The following SPATA13 variants were observed in gnomAD, a reference collection of about 807,000 sequenced individuals.
The protein encoded by SPATA13 is spermatogenesis-associated protein 13.
Under a neutral mutation model 104.0 loss-of-function variants are expected in SPATA13, and 50 were observed. The observed-to-expected ratio is 0.48, with a 90% CI of 0.38 to 0.61. The LOEUF (loss-of-function observed/expected upper bound fraction) is 0.61, where lower values mean the gene tolerates loss of function less well. SPATA13 is among the 20% of genes least tolerant of loss of function. SPATA13 has a pLI of 0.00. For missense variants in SPATA13, 1,524 were observed against 1,690.6 expected (o/e 0.90, Z 1.73); for synonymous variants, 606 against 667.5 (o/e 0.91, Z 1.42).
chr13:24,047,681 T>C (rs541508372), intron 3 of SPATA13, among the ~76,000 whole-genome samples: 1 of 152,358 alleles, frequency 6.6e-6, no homozygotes, highest in South Asian at 2.1e-4. Flanking sequence ...TCATTATCAA[T>C]CCTTAGTATT....
chr13:24,212,609 GCAGACTTTGA>G (rs1593423963), intron 1 of SPATA13, among the ~76,000 whole-genome samples: 1 of 151,522 alleles, frequency 6.6e-6, no homozygotes, highest in East Asian at 1.9e-4. Flanking sequence ...AAATGAACCA[GCAGACTTTGA>G]CAGGTTTTGT....
intron 1 of SPATA13, among the ~76,000 whole-genome samples, chr13:24,177,665 G>A (rs935805429): frequency 1.3e-5 from 2 of 151,754 alleles, no homozygotes; most frequent in African/African-American, 4.8e-5. Context: ...CTCCTGTGTT[G>A]CCCAGGCTGG....
In SPATA13 at chr13:24,088,199, G is replaced by A. The variant is rs555240928; in HGVS notation, c.-112+70498G>A. ...GTGTCCTGGCAGACAGGGAACTGGC[G>A]TGTTAATGCTCCCTAGGCAGCACTG... On this transcript the variant is annotated intron_variant, in intron 3 of 14. Coordinates refer to the SPATA13 transcript ENST00000424834. This position sits in a 1 kb window ranked among gnomAD's most constrained non-coding sequence, Gnocchi z 4.3. Among the ~76,000 whole-genome samples, 7 of 152,190 alleles carry A rather than the reference G, an allele frequency of 4.6e-5. No homozygotes were observed. The highest frequency in any genetic ancestry group is 9.7e-5 in the African/African-American group (4 of 41,444).
chr13:24,222,097 G>A (rs1220971573), intron 1 of SPATA13, among the ~76,000 whole-genome samples: 2 of 152,188 alleles, frequency 1.3e-5, no homozygotes, highest in Non-Finnish European at 2.9e-5. Context: ...ACAGGCGTGA[G>A]CCACTGCACC....
Position 23,982,401 on chromosome 13 carries a change from TTC to T in SPATA13, c.-353-1324_-353-1323del, listed in dbSNP as rs1874943747. 6.6e-5 allele frequency among the ~76,000 whole-genome samples: 10 copies of T among 152,352 alleles called. No individual in the cohort carries two copies. In the South Asian group the frequency reaches 2.1e-3, roughly 32 times the overall value. ...AATCCCTGAAGGCAAGGACCAGGTC[TTC>T]TGTGTCTTTAGAATTCTCTTCATAA... On this transcript the variant is annotated intron_variant, in intron 1 of 14. Coordinates refer to the SPATA13 transcript ENST00000424834.
At chr13:24,114,419 T>C (rs1880764316) in intron 3 of SPATA13, among the ~76,000 whole-genome samples, 1 of 92,398 alleles carries the variant, frequency 1.1e-5, no homozygotes, top group Admixed American at 1.3e-4. Flanking sequence ...GTAGAGCCTG[T>C]CCTAGTGCCT....
At chr13:24,072,362 TG>T (rs748815037) in intron 3 of SPATA13, among the ~76,000 whole-genome samples, 5 of 152,300 alleles carry the variant, frequency 3.3e-5, no homozygotes, top group African/African-American at 9.6e-5. Flanking sequence ...GAAAGATAAA[TG>T]GGAAATCAAG....
At chr13:24,032,114 C>T (rs1283526845) in intron 3 of SPATA13, among the ~76,000 whole-genome samples, 1 of 152,168 alleles carries the variant, frequency 6.6e-6, no homozygotes, top group Non-Finnish European at 1.5e-5. Context: ...CCTCCACCAT[C>T]CCCCAGGTGA....
At chr13:24,182,292 T>G (rs777359343) in intron 1 of SPATA13, among the ~76,000 whole-genome samples, 1 of 152,176 alleles carries the variant, frequency 6.6e-6, no homozygotes, top group Non-Finnish European at 1.5e-5. Context: ...GTGTTTGTCT[T>G]TTTTGTTTTG....
At chr13:24,023,744 G>A (rs900171524) in intron 3 of SPATA13, among the ~76,000 whole-genome samples, 3 of 152,160 alleles carry the variant, frequency 2.0e-5, no homozygotes, top group East Asian at 1.9e-4. Context: ...ATGAGCCAAG[G>A]AATGTGGGCG....
intron 1 of SPATA13, among the ~76,000 whole-genome samples, chr13:24,215,676 A>C (rs1241906963): frequency 6.6e-6 from 1 of 152,236 alleles, no homozygotes; most frequent in Non-Finnish European, 1.5e-5. Context: ...TGGATGTAAA[A>C]GCTACATCAT....
intron 3 of SPATA13, among the ~76,000 whole-genome samples, chr13:24,085,216 G>A (rs895789570): frequency 2.0e-5 from 3 of 152,126 alleles, no homozygotes; most frequent in Non-Finnish European, 2.9e-5. Context: ...TCTGCCTCCC[G>A]GGATCAAGTG....
intron 3 of SPATA13, among the ~76,000 whole-genome samples, chr13:24,066,107 T>C (rs560078223): frequency 6.6e-6 from 1 of 152,316 alleles, no homozygotes; most frequent in East Asian, 1.9e-4. Flanking sequence ...TTGTTAAAGG[T>C]ACATACCTAT....
chr13:24,073,355 G>A (rs1465334198), intron 3 of SPATA13, among the ~76,000 whole-genome samples: 2 of 152,218 alleles, frequency 1.3e-5, no homozygotes, highest in Non-Finnish European at 2.9e-5. Context: ...TGCGCCATCA[G>A]TCAGACTCAC....
intron 1 of SPATA13, among the ~76,000 whole-genome samples, chr13:24,203,326 G>A (rs1870529040): frequency 6.6e-6 from 1 of 152,030 alleles, no homozygotes; most frequent in African/African-American, 2.4e-5. Flanking sequence ...GTAATTTAGG[G>A]GAAGGGGAAG....
intron 2 of SPATA13, among the ~76,000 whole-genome samples, chr13:24,005,879 A>G (rs1359167762): frequency 6.6e-6 from 1 of 152,160 alleles, no homozygotes; most frequent in Non-Finnish European, 1.5e-5. Context: ...TTCCCTTCTT[A>G]ATAAAGACAT....
At chr13:24,224,874 G>T in intron 2 of SPATA13, 1 of 461,276 alleles carries the variant, frequency 2.2e-6, no homozygotes, top group East Asian at 4.5e-5. Flanking sequence ...CTAGATTCTG[G>T]GGGAAAAAAA....
chr13:24,287,621 G>A (rs1389100597), intron 7 of SPATA13, among the ~76,000 whole-genome samples: 1 of 152,212 alleles, frequency 6.6e-6, no homozygotes, highest in Non-Finnish European at 1.5e-5. Context: ...ATCACCAACT[G>A]ACAGATGAGA....
chr13:24,095,163 A>C (rs1238649897), intron 3 of SPATA13, among the ~76,000 whole-genome samples: 1 of 152,248 alleles, frequency 6.6e-6, no homozygotes, highest in Non-Finnish European at 1.5e-5. Context: ...CCAAGTGTCC[A>C]TCAGTGGATA....
Sources: gnomAD v4.1 joint callset for allele counts (sites outside exome capture counted in the v4.1 genomes callset) on GRCh38, gnomAD v4.1.1 for gene constraint, Gnocchi (gnomAD v3.1) non-coding constraint, MANE v1.5 for transcripts, NCBI Gene and HGNC (gene_info 2026-07-23, HGNC 2026-07-21) for gene names.